The following STRN variants were observed in gnomAD, a reference collection of about 807,000 sequenced individuals.
STRN encodes protein phosphatase 2 regulatory subunit B'''alpha.
A neutral mutation model predicts 96.3 loss-of-function variants in STRN; 53 were observed. That is an observed-to-expected ratio of 0.55 (90% confidence interval 0.44 to 0.69). STRN has a LOEUF of 0.69. Ranked by LOEUF, STRN falls within the 30% of genes least tolerant of loss-of-function variation. STRN has a pLI of 0.00. For synonymous variants in STRN, 428 were observed against 355.9 expected (o/e 1.20, Z -2.28); for missense variants, 987 against 963.9 (o/e 1.02, Z -0.32).
intron 11 of STRN, among the ~76,000 whole-genome samples, chr2:36,868,657 G>A (rs1572634082): frequency 1.3e-5 from 2 of 152,264 alleles, no homozygotes; most frequent in African/African-American, 4.8e-5. Flanking sequence ...GCAACATCTG[G>A]TTGAGCTATC....
At chr2:36,958,656 C>G (rs530691788) in intron 1 of STRN, among the ~76,000 whole-genome samples, 1 of 152,026 alleles carries the variant, frequency 6.6e-6, no homozygotes, top group Non-Finnish European at 1.5e-5. Context: ...ATGGAAAATA[C>G]AGAGCAGATA....
chr2:36,855,741 T>C (rs1014779079), intron 14 of STRN, among the ~76,000 whole-genome samples: 3 of 152,088 alleles, frequency 2.0e-5, no homozygotes, highest in Non-Finnish European at 4.4e-5. Flanking sequence ...TGTTAGCTCA[T>C]CAAAAATAGA....
intron 1 of STRN, among the ~76,000 whole-genome samples, chr2:36,949,036 C>T (rs1256517307): frequency 1.3e-5 from 2 of 152,180 alleles, no homozygotes; most frequent in Non-Finnish European, 2.9e-5. Context: ...ATGGTGGTCC[C>T]ATAACTATAA....
At chr2:36,881,786 A>G (rs1420787693) in intron 9 of STRN, among the ~76,000 whole-genome samples, 3 of 152,196 alleles carry the variant, frequency 2.0e-5, no homozygotes, top group African/African-American at 7.2e-5. Context: ...ATTCTGCATA[A>G]TTCATGTATG....
intron 6 of STRN, among the ~76,000 whole-genome samples, chr2:36,895,246 G>A (rs1478580820): frequency 6.6e-6 from 1 of 151,670 alleles, no homozygotes; most frequent in Non-Finnish European, 1.5e-5. Flanking sequence ...AGAATGGCGT[G>A]AACCTGGGAG....
chr2:36,843,124 T>C lies in STRN; in HGVS notation c.*6332A>G, dbSNP rs780592671. Among the ~76,000 whole-genome samples, 13 of 152,142 alleles carry C rather than the reference T, an allele frequency of 8.5e-5. No individual in the cohort carries two copies. Among genetic ancestry groups the C allele is most frequent in the Non-Finnish European group, 1.8e-4 (12 of 68,022 alleles). ...TTACTCAAGCTAATCATGTCTCAGTTCTCATTAAAAAGATAAAAGAGGTGT... is the reference window on the plus strand; with the variant it reads ...TTACTCAAGCTAATCATGTCTCAGTCCTCATTAAAAAGATAAAAGAGGTGT... On this transcript the variant is annotated 3_prime_UTR_variant, in exon 18 of 18. Transcript: ENST00000263918.
chr2:36,902,275 A>G (rs2148199706), intron 5 of STRN, among the ~76,000 whole-genome samples: 1 of 152,328 alleles, frequency 6.6e-6, no homozygotes, highest in South Asian at 2.1e-4. Context: ...ATGAAACGTC[A>G]TTCTTACAGA....
rs1441468400 is a variant in STRN at position 36,918,795 on chromosome 2, C to T, written c.339-2644G>A. 2.0e-5 allele frequency among the ~76,000 whole-genome samples: 3 copies of T among 152,088 alleles called. No homozygotes were observed. The East Asian group carries it at 5.8e-4, about 29-fold the overall frequency. On this transcript the variant is annotated intron_variant, in intron 2 of 17. Transcript: ENST00000263918. Reference sequence around the variant, plus strand: ...CTTTTTAAGTCAATATGTGAAAATACCTTCTCATTCATACCGTTTTCCACT... The same window carrying T: ...CTTTTTAAGTCAATATGTGAAAATATCTTCTCATTCATACCGTTTTCCACT...
intron 9 of STRN, among the ~76,000 whole-genome samples, chr2:36,882,117 T>C (rs1356200709): frequency 6.6e-6 from 1 of 152,166 alleles, no homozygotes; most frequent in Non-Finnish European, 1.5e-5. Context: ...ACTGAAGAAG[T>C]ATTCCAATCG....
chr2:36,940,793 C>A (rs551029745), intron 1 of STRN, among the ~76,000 whole-genome samples: 4 of 142,642 alleles, frequency 2.8e-5, no homozygotes, highest in African/African-American at 1.1e-4. Context: ...GCCAAGACTG[C>A]ACCACTGCAC....
chr2:36,889,460 G>T (rs13422660), intron 7 of STRN, among the ~76,000 whole-genome samples: 3,279 of 36,016 alleles, frequency 0.091, 51 homozygotes, highest in Non-Finnish European at 0.18. Flanking sequence ...GATGGCTTTT[G>T]GGTCCCCAAA....
Position 36,849,226 on chromosome 2 carries a change from T to C in STRN, c.*230A>G, listed in dbSNP as rs546152970. On this transcript the variant is annotated 3_prime_UTR_variant, in exon 18 of 18. Transcript: ENST00000263918. ...ATAAAGGCGCCTATTGGGGAGAAAT[T>C]TGAAACAGACCTCAGGCTCACAGAT... 8 of 509,038 alleles carry C rather than the reference T, an allele frequency of 1.6e-5. No individual in the cohort carries two copies. Among genetic ancestry groups the C allele is most frequent in the African/African-American group, 7.6e-5 (4 of 52,490 alleles). The allele number at this position is 509,038 out of a possible 1,614,324, so 31.5% of individuals were successfully genotyped here.
intron 6 of STRN, among the ~76,000 whole-genome samples, chr2:36,897,445 A>ATATT: frequency 6.7e-6 from 1 of 149,808 alleles, no homozygotes. Context: ...ATATATATAT[A>ATATT]TTTTTTTTTT....
In STRN at chr2:36,846,406, T is replaced by G. The variant is rs2148117570; in HGVS notation, c.*3050A>C. The G allele has an allele frequency of 7.7e-6, 1 of 130,394 alleles. No individual in the cohort carries two copies. The highest frequency in any genetic ancestry group is 2.4e-4 in the South Asian group (1 of 4,108). 8.1% of individuals were successfully genotyped at this position (130,394 alleles called of 1,614,324 possible). A position where few individuals can be genotyped will look rare whatever the true frequency, so the allele number is the denominator to read the frequency against. ...TATGGTTTATATATATATATATATATATATATATATATATATATATATAGT... is the reference window on the plus strand; with the variant it reads ...TATGGTTTATATATATATATATATAGATATATATATATATATATATATAGT... On this transcript the variant is annotated 3_prime_UTR_variant, in exon 18 of 18. Coordinates refer to ENST00000263918, the MANE Select transcript of STRN (RefSeq NM_003162.4).
Position 36,861,116 on chromosome 2 carries a change from T to G in STRN, c.1669+16A>C. ...AAACCAATTTTATTCCTTCAGATCT[T>G]TGGGAAATCACCTACCATAAGAATC... is the stretch of plus-strand genomic sequence containing the variant. On this transcript the variant is annotated intron_variant, in intron 13 of 17. Coordinates refer to ENST00000263918, the MANE Select transcript of STRN (RefSeq NM_003162.4). 1 of 1,611,780 alleles carries G rather than the reference T, an allele frequency of 6.2e-7. No homozygotes were observed. Among genetic ancestry groups the G allele is most frequent in the South Asian group, 1.1e-5 (1 of 90,068 alleles).
At position 36,847,520 on chromosome 2, in the gene STRN, T is replaced by C. The variant is rs1342988843; in HGVS notation, c.*1936A>G. Reference sequence around the variant, plus strand: ...GAATTCTGTATCTGCATGGAAATATTAAGTATTCACCTGACAGCTCATGTT... The same window carrying C: ...GAATTCTGTATCTGCATGGAAATATCAAGTATTCACCTGACAGCTCATGTT... On this transcript the variant is annotated 3_prime_UTR_variant, in exon 18 of 18. Coordinates refer to ENST00000263918, the MANE Select transcript of STRN (RefSeq NM_003162.4). 2 of 152,154 alleles carry C rather than the reference T, an allele frequency of 1.3e-5. No individual in the cohort carries two copies. The highest frequency in any genetic ancestry group is 2.9e-5 in the Non-Finnish European group (2 of 68,014). The allele number at this position is 152,154 out of a possible 1,614,324, so 9.4% of individuals were successfully genotyped here.
chr2:36,928,202 T>C (rs181381638), intron 1 of STRN, among the ~76,000 whole-genome samples: 62 of 152,308 alleles, frequency 4.1e-4, no homozygotes, highest in Non-Finnish European at 5.7e-4. Context: ...AAATTCTTAC[T>C]CTTTTAAAAT....
chr2:36,882,411 T>C (rs988189401), intron 9 of STRN, among the ~76,000 whole-genome samples: 9 of 152,308 alleles, frequency 5.9e-5, no homozygotes, highest in South Asian at 4.1e-4. Flanking sequence ...TTTCAGTATG[T>C]CACCCAGGCT....
At chr2:36,861,073 T>C (rs891040511) in intron 13 of STRN, 59 bp downstream of exon 13, 9 of 1,587,556 alleles carry the variant, frequency 5.7e-6, no homozygotes, top group East Asian at 4.5e-5. Flanking sequence ...TTATATTCTA[T>C]GAAAAAATGT....
Sources: allele counts gnomAD v4.1 joint callset (sites outside exome capture counted in the v4.1 genomes callset), GRCh38; gene constraint gnomAD v4.1.1; transcripts MANE v1.5; gene names NCBI Gene and HGNC (gene_info 2026-07-23, HGNC 2026-07-21).